Variants in EIF2B3 observed in about 807,000 individuals in gnomAD.
The protein encoded by EIF2B3 is translation initiation factor eIF2B subunit gamma.
A neutral mutation model predicts 54.1 loss-of-function variants in EIF2B3; 20 were observed. The observed-to-expected ratio is 0.37, with a 90% CI of 0.26 to 0.54. The LOEUF (loss-of-function observed/expected upper bound fraction) is 0.54, where lower values mean the gene tolerates loss of function less well. Ranked by LOEUF, EIF2B3 falls within the 20% of genes least tolerant of loss-of-function variation. The pLI, the probability that EIF2B3 is intolerant of heterozygous loss-of-function variation, is 0.86. For synonymous variants in EIF2B3, 153 were observed against 188.1 expected (o/e 0.81, Z 1.52); for missense variants, 448 against 547.8 (o/e 0.82, Z 1.82).
chr1:44,917,552 G>A (rs1198428464), intron 5 of EIF2B3, among the ~76,000 whole-genome samples: 1 of 150,152 alleles, frequency 6.7e-6, no homozygotes, highest in African/African-American at 2.4e-5. Context: ...AAATTTTAAT[G>A]TATTATATAT....
chr1:44,978,240 A>G (rs1644472748), intron 3 of EIF2B3, 75 bp downstream of exon 3: 2 of 1,562,364 alleles, frequency 1.3e-6, no homozygotes, highest in Non-Finnish European at 1.8e-6. Flanking sequence ...CAAAAAAAAG[A>G]CTATAATGCA....
chr1:44,974,280 G>C (rs1467537176), intron 3 of EIF2B3, among the ~76,000 whole-genome samples: 1 of 151,436 alleles, frequency 6.6e-6, no homozygotes, highest in Admixed American at 6.6e-5. Flanking sequence ...TTCCAGACCA[G>C]GCCTGGGCAA....
chr1:44,900,741 C>T (rs1643275449), intron 5 of EIF2B3, among the ~76,000 whole-genome samples: 1 of 151,978 alleles, frequency 6.6e-6, no homozygotes, highest in African/African-American at 2.4e-5. Flanking sequence ...CTTTTTCTGT[C>T]ACTTAAAAAA....
At chr1:44,903,674 T>C (rs1223026627) in intron 5 of EIF2B3, among the ~76,000 whole-genome samples, 1 of 152,250 alleles carries the variant, frequency 6.6e-6, no homozygotes, top group Non-Finnish European at 1.5e-5. Flanking sequence ...TTTTCAGCAT[T>C]GCTGTGAATG....
At chr1:44,910,855 A>C (rs1471856890) in intron 5 of EIF2B3, among the ~76,000 whole-genome samples, 1 of 151,042 alleles carries the variant, frequency 6.6e-6, no homozygotes, top group Non-Finnish European at 1.5e-5. Context: ...TCTTTTTTAA[A>C]TTTTTTTTCC....
At chr1:44,982,014 C>T (rs1279605894) in intron 1 of EIF2B3, among the ~76,000 whole-genome samples, 2 of 146,092 alleles carry the variant, frequency 1.4e-5, no homozygotes, top group South Asian at 4.3e-4. Context: ...ACAGCAGAAA[C>T]ACAAGCATGT....
At chr1:44,959,326 T>A in intron 3 of EIF2B3, 1 of 608,988 alleles carries the variant, frequency 1.6e-6, no homozygotes, top group East Asian at 3.2e-5. Flanking sequence ...TAGTTTTGCC[T>A]CTCCTCTCTG....
intron 3 of EIF2B3, among the ~76,000 whole-genome samples, chr1:44,974,806 A>C (rs1644436790): frequency 6.6e-6 from 1 of 152,254 alleles, no homozygotes; most frequent in Admixed American, 6.5e-5. Flanking sequence ...CCAAAATACA[A>C]AAATCAATTG....
At chr1:44,904,735 G>A (rs1033168746) in intron 5 of EIF2B3, among the ~76,000 whole-genome samples, 2 of 152,022 alleles carry the variant, frequency 1.3e-5, no homozygotes, top group Non-Finnish European at 2.9e-5. Context: ...GGATGGTCTC[G>A]ATCTCCTGAC....
intron 6 of EIF2B3, among the ~76,000 whole-genome samples, chr1:44,885,891 C>T (rs746968969): frequency 3.8e-4 from 55 of 145,352 alleles, no homozygotes; most frequent in African/African-American, 9.7e-4. Context: ...CCTGACACCA[C>T]GCTTGGCTAA....
At chr1:44,872,018 T>C (rs1227462157) in intron 10 of EIF2B3, among the ~76,000 whole-genome samples, 1 of 151,754 alleles carries the variant, frequency 6.6e-6, no homozygotes, top group Non-Finnish European at 1.5e-5. Flanking sequence ...CACACCACCA[T>C]GCTCAACTAA....
chr1:44,873,489 T>C (rs1390496387), intron 10 of EIF2B3, among the ~76,000 whole-genome samples: 3 of 152,204 alleles, frequency 2.0e-5, no homozygotes, highest in Non-Finnish European at 4.4e-5. Context: ...AATAGAGTTA[T>C]AGCATAACTT....
intron 3 of EIF2B3, among the ~76,000 whole-genome samples, chr1:44,945,661 A>C (rs1644094078): frequency 6.6e-6 from 1 of 152,106 alleles, no homozygotes; most frequent in African/African-American, 2.4e-5. Context: ...CAGACCACAT[A>C]CATACAAACT....
intron 6 of EIF2B3, among the ~76,000 whole-genome samples, chr1:44,884,563 A>T (rs914339305): frequency 6.6e-6 from 1 of 152,220 alleles, no homozygotes; most frequent in Non-Finnish European, 1.5e-5. Flanking sequence ...TTGAATTTCA[A>T]TGTGATTTTT....
At chr1:44,884,745 C>T (rs1276510732) in intron 6 of EIF2B3, among the ~76,000 whole-genome samples, 2 of 152,146 alleles carry the variant, frequency 1.3e-5, no homozygotes, top group African/African-American at 2.4e-5. Flanking sequence ...TGACAAAGCA[C>T]GGACAGCTAG....
intron 4 of EIF2B3, among the ~76,000 whole-genome samples, chr1:44,931,906 T>A (rs752189057): frequency 6.6e-6 from 1 of 152,068 alleles, no homozygotes; most frequent in Non-Finnish European, 1.5e-5. Flanking sequence ...CATTTGAGGC[T>A]AGGAGTTCAA....
intron 5 of EIF2B3, among the ~76,000 whole-genome samples, chr1:44,925,448 TG>T (rs1197673170): frequency 6.6e-6 from 1 of 152,150 alleles, no homozygotes; most frequent in African/African-American, 2.4e-5. Context: ...AGACCAATAT[TG>T]TATGATTTCA....
At chr1:44,951,976 T>C (rs1417421239) in intron 3 of EIF2B3, among the ~76,000 whole-genome samples, 1 of 97,040 alleles carries the variant, frequency 1.0e-5, no homozygotes, top group African/African-American at 4.7e-5. Context: ...TTTTTTTTTT[T>C]TTTTGAGACG....
intron 3 of EIF2B3, among the ~76,000 whole-genome samples, chr1:44,967,397 A>T (rs1047068832): frequency 6.7e-6 from 1 of 149,696 alleles, no homozygotes; most frequent in Non-Finnish European, 1.5e-5. Flanking sequence ...CGAAAAGCCG[A>T]GATCCCACCA....
Sources: allele counts gnomAD v4.1 joint callset (sites outside exome capture counted in the v4.1 genomes callset), GRCh38; gene constraint gnomAD v4.1.1; transcripts MANE v1.5; gene names NCBI Gene and HGNC (gene_info 2026-07-23, HGNC 2026-07-21).